SCARB1: variants seen among roughly 807,000 people sequenced by gnomAD.
SCARB1 encodes scavenger receptor class B member 1, also known as CD36 and LIMPII analogous 1.
SCARB1 carries 30 observed loss-of-function variants against 57.2 expected under a neutral mutation model. The observed-to-expected ratio is 0.52, with a 90% confidence interval of 0.39 to 0.71. The LOEUF is 0.71. Among genes scored for constraint, SCARB1 ranks in the 30% least tolerant of loss-of-function variants. The pLI, the probability that SCARB1 is intolerant of heterozygous loss-of-function variation, is 0.00. For missense variants in SCARB1, 543 were observed against 671.2 expected (o/e 0.81, Z 2.11); for synonymous variants, 249 against 268.3 (o/e 0.93, Z 0.70).
chr12:124,817,522 C>G lies in SCARB1; in HGVS notation c.284+28G>C, dbSNP rs779551892. 4.3e-6 allele frequency: 7 copies of G among 1,611,844 alleles called. No homozygotes were observed. In the East Asian group the frequency reaches 1.1e-4, roughly 26 times the overall value. ...TCCCCTGCCCAGCCTCAGCCGGCCC[C>G]TCCACCCTCACCTGGACACAGCCTC... On this transcript the variant is annotated intron_variant, in intron 2 of 12. Transcript: ENST00000261693. This position sits in a 1 kb window ranked among gnomAD's most constrained non-coding sequence, Gnocchi z 4.8.
intron 1 of SCARB1, chr12:124,862,596 T>C (rs1008799845): frequency 5.3e-5 from 8 of 152,086 alleles, no homozygotes; most frequent in Non-Finnish European, 8.8e-5. Flanking sequence ...TCCATTAGAG[T>C]GACAATGTCC....
chr12:124,818,305 T>G (rs899963863), intron 1 of SCARB1, among the ~76,000 whole-genome samples: 26 of 152,090 alleles, frequency 1.7e-4, no homozygotes, highest in African/African-American at 6.0e-4. Context: ...GACTGGGATT[T>G]GAGACAGTCA....
intron 1 of SCARB1, among the ~76,000 whole-genome samples, chr12:124,832,612 C>T (rs552454645): frequency 1.3e-4 from 20 of 152,100 alleles, no homozygotes; most frequent in African/African-American, 1.9e-4. Context: ...AGTGCCTCAC[C>T]GAATCATATT....
At position 124,817,812 on chromosome 12, in the gene SCARB1, C is replaced by T. The variant is rs1290073163; in HGVS notation, c.127-105G>A. Reference sequence around the variant, plus strand: ...CCCGAGCCCGGCCAGGGAAGGGGCTCCTCGGCGGGAGCTTGGGATAGGAGG... The same window carrying T: ...CCCGAGCCCGGCCAGGGAAGGGGCTTCTCGGCGGGAGCTTGGGATAGGAGG... On this transcript the variant is annotated intron_variant, in intron 1 of 12. Transcript: ENST00000261693. The surrounding 1 kb of genome is among the most constrained non-coding windows in gnomAD (Gnocchi z 4.8). 4.9e-6 allele frequency: 6 copies of T among 1,228,774 alleles called. No individual in the cohort carries two copies. The highest frequency in any genetic ancestry group is 2.3e-5 in the East Asian group (1 of 43,072). 76.1% of individuals were successfully genotyped at this position (1,228,774 alleles called of 1,614,324 possible).
chr12:124,802,579 C>T (rs1289935573), intron 7 of SCARB1, among the ~76,000 whole-genome samples: 1 of 151,966 alleles, frequency 6.6e-6, no homozygotes, highest in Non-Finnish European at 1.5e-5. Context: ...TGGGATGGAA[C>T]AACTTGCCAG....
At chr12:124,816,255 C>G (rs1433274442) in intron 2 of SCARB1, among the ~76,000 whole-genome samples, 2 of 150,276 alleles carry the variant, frequency 1.3e-5, no homozygotes, top group Admixed American at 6.6e-5. Context: ...CTTCTTTACT[C>G]TCTCCCCATC....
chr12:124,846,218 A>G (rs1470111598), intron 1 of SCARB1, among the ~76,000 whole-genome samples: 1 of 152,164 alleles, frequency 6.6e-6, no homozygotes, highest in Non-Finnish European at 1.5e-5. Context: ...ATTATATGTT[A>G]TGTGAATTTG....
At chr12:124,788,534 G>A (rs968576585) in intron 9 of SCARB1, among the ~76,000 whole-genome samples, 6 of 152,200 alleles carry the variant, frequency 3.9e-5, no homozygotes, top group African/African-American at 9.7e-5. Flanking sequence ...GCAAGGGCTG[G>A]AGCTCTGCAG....
chr12:124,844,766 A>G (rs937236146), intron 1 of SCARB1, among the ~76,000 whole-genome samples: 2 of 150,952 alleles, frequency 1.3e-5, no homozygotes, highest in Non-Finnish European at 3.0e-5. Flanking sequence ...ACGGGAATAC[A>G]TGGTCTTTGG....
intron 1 of SCARB1, among the ~76,000 whole-genome samples, chr12:124,842,247 C>T (rs1210436790): frequency 6.6e-6 from 1 of 152,260 alleles, no homozygotes; most frequent in African/African-American, 2.4e-5. Flanking sequence ...GCCTCTGGCC[C>T]AGGCAGTCAC....
At position 124,817,785 on chromosome 12, in the gene SCARB1, T is replaced by C; in HGVS notation, c.127-78A>G. On this transcript the variant is annotated intron_variant, in intron 1 of 12. Transcript: ENST00000261693. This position sits in a 1 kb window ranked among gnomAD's most constrained non-coding sequence, Gnocchi z 4.8. ...CCCCACCACAAGGCTCCGGAACAGC[T>C]GCCCGAGCCCGGCCAGGGAAGGGGC... The C allele has an allele frequency of 1.3e-6, 2 of 1,531,086 alleles. No homozygotes were observed. Among genetic ancestry groups the C allele is most frequent in the Non-Finnish European group, 1.8e-6 (2 of 1,105,386 alleles). 94.8% of individuals were successfully genotyped at this position (1,531,086 alleles called of 1,614,324 possible). A position where few individuals can be genotyped will look rare whatever the true frequency, so the allele number is the denominator to read the frequency against.
rs11057823 is a variant in SCARB1, at chr12:124,813,748, T to C, written c.630+454A>G. On this transcript the variant is annotated intron_variant, in intron 4 of 12. Coordinates refer to ENST00000261693, the MANE Select transcript of SCARB1 (RefSeq NM_005505.5). ...CAGAGACCAAAGAGATGGCTGAGGC[T>C]GGAGCAGTCCCAAGGACTCAGTGAA... Among the ~76,000 whole-genome samples, 4,590 of 152,220 alleles carry C rather than the reference T, an allele frequency of 0.03. 602 individuals are homozygous for C. The East Asian group carries it at 0.42, about 14-fold the overall frequency.
chr12:124,860,383 C>T (rs1952843365), intron 1 of SCARB1, among the ~76,000 whole-genome samples: 1 of 152,262 alleles, frequency 6.6e-6, no homozygotes, highest in African/African-American at 2.4e-5. Flanking sequence ...TCATTGAAGA[C>T]AGCAGCCTCG....
Position 124,814,154 on chromosome 12 carries a change from G to T in SCARB1, c.630+48C>A. On this transcript the variant is annotated intron_variant, in intron 4 of 12. Transcript: ENST00000261693. The surrounding 1 kb of genome is among the most constrained non-coding windows in gnomAD (Gnocchi z 4.7). ...CAGTGTCCAGGCTGTGTGAGGGGAA[G>T]ACAGGACACAGGCCTGAATCTTTGG... is the stretch of plus-strand genomic sequence containing the variant. The T allele has an allele frequency of 1.3e-6, 2 of 1,560,730 alleles. No individual in the cohort carries two copies. Among genetic ancestry groups the T allele is most frequent in the South Asian group, 1.1e-5 (1 of 89,834 alleles).
intron 11 of SCARB1, 157 bp from the exon 12 acceptor site, chr12:124,782,968 G>A: frequency 1.4e-6 from 1 of 704,346 alleles, no homozygotes; most frequent in South Asian, 1.7e-5. Context: ...TGAGATGTGG[G>A]GAGCTGCCGC....
At chr12:124,858,762 C>T (rs1952749952) in intron 1 of SCARB1, among the ~76,000 whole-genome samples, 1 of 151,962 alleles carries the variant, frequency 6.6e-6, no homozygotes, top group South Asian at 2.1e-4. Flanking sequence ...GCCTGTAGTC[C>T]CAGCTACTCA....
chr12:124,821,900 G>T (rs1950969469), intron 1 of SCARB1, among the ~76,000 whole-genome samples: 1 of 152,136 alleles, frequency 6.6e-6, no homozygotes, highest in Non-Finnish European at 1.5e-5. Context: ...AACAGTGGTG[G>T]GGACACTGTG....
intron 7 of SCARB1, among the ~76,000 whole-genome samples, chr12:124,803,257 G>C (rs1309269513): frequency 6.6e-6 from 1 of 152,162 alleles, no homozygotes; most frequent in East Asian, 1.9e-4. Context: ...TGCTGGCCAC[G>C]GGGTGCGTTG....
At chr12:124,788,442 G>A (rs529605588) in intron 9 of SCARB1, among the ~76,000 whole-genome samples, 13 of 152,332 alleles carry the variant, frequency 8.5e-5, no homozygotes, top group African/African-American at 2.6e-4. Flanking sequence ...GGATGGCCGG[G>A]AGGGCTGCTT....
Sources: allele counts gnomAD v4.1 joint callset (sites outside exome capture counted in the v4.1 genomes callset), GRCh38; gene constraint gnomAD v4.1.1; non-coding constraint Gnocchi (gnomAD v3.1); transcripts MANE v1.5; gene names NCBI Gene and HGNC (gene_info 2026-07-23, HGNC 2026-07-21).